Variants in EXPH5 observed in about 807,000 individuals in gnomAD.
EXPH5 encodes the protein exophilin 5.
EXPH5 carries 42 observed loss-of-function variants against 41.1 expected under a neutral mutation model. That is an observed-to-expected ratio of 1.02 (90% CI 0.80 to 1.32). The LOEUF (loss-of-function observed/expected upper bound fraction) is 1.32. Ranked by LOEUF, EXPH5 falls within the 40% of genes most tolerant of loss-of-function variation. The pLI is 0.00. For synonymous variants in EXPH5, 798 were observed against 833.5 expected, an observed-to-expected ratio of 0.96 and a Z score of 0.73; for missense variants, 2,298 against 2,314.5, an observed-to-expected ratio of 0.99 and a Z score of 0.15.
upstream of EXPH5, among the ~76,000 whole-genome samples, chr11:108,595,400 TA>T (rs986543915): frequency 5.9e-5 from 9 of 151,980 alleles, no homozygotes; most frequent in Non-Finnish European, 1.2e-4. Flanking sequence ...GAGGAAGAAA[TA>T]GGGGGTGGTG....
upstream of EXPH5, among the ~76,000 whole-genome samples, chr11:108,596,437 G>A (rs1036585105): frequency 2.0e-5 from 3 of 152,192 alleles, no homozygotes; most frequent in Non-Finnish European, 4.4e-5. Context: ...GATGATGCAA[G>A]ATCTCAAGAG....
intron 1 of EXPH5, among the ~76,000 whole-genome samples, chr11:108,579,244 TG>T (rs777781183): frequency 2.0e-4 from 30 of 151,966 alleles, no homozygotes; most frequent in Non-Finnish European, 4.3e-4. Flanking sequence ...TTTTAATGAA[TG>T]CTTTTTTGAC....
At chr11:108,592,187 G>A (rs1190555075) in intron 1 of EXPH5, among the ~76,000 whole-genome samples, 1 of 152,110 alleles carries the variant, frequency 6.6e-6, no homozygotes, top group Non-Finnish European at 1.5e-5. Flanking sequence ...GAATGATAAA[G>A]CCACTTTTTC....
intron 3 of EXPH5, chr11:108,538,035 T>C: frequency 8.1e-6 from 8 of 985,436 alleles, no homozygotes; most frequent in Non-Finnish European, 9.6e-6. Flanking sequence ...TGGTCTGCTC[T>C]TTCTTTCATC....
At chr11:108,528,543 C>T (rs2093814978) in intron 3 of EXPH5, among the ~76,000 whole-genome samples, 1 of 152,142 alleles carries the variant, frequency 6.6e-6, no homozygotes, top group South Asian at 2.1e-4. Flanking sequence ...AGATACATCA[C>T]TCTCCTGAGA....
intron 4 of EXPH5, among the ~76,000 whole-genome samples, chr11:108,519,977 A>T (rs1331271532): frequency 7.9e-5 from 11 of 139,190 alleles, no homozygotes; most frequent in East Asian, 6.1e-4. Flanking sequence ...AAAAAAAAAA[A>T]TTGCGAACCT....
intron 1 of EXPH5, among the ~76,000 whole-genome samples, chr11:108,556,918 T>G (rs965372063): frequency 5.9e-5 from 9 of 152,210 alleles, no homozygotes; most frequent in Non-Finnish European, 8.8e-5. Context: ...TGTCTGACCT[T>G]CTGCCTTTTC....
At chr11:108,549,317 C>T (rs187916317) in intron 1 of EXPH5, among the ~76,000 whole-genome samples, 239 of 152,316 alleles carry the variant, frequency 1.6e-3, no homozygotes, top group Non-Finnish European at 3.0e-3. Flanking sequence ...CACATGAATC[C>T]GTCTGTGAAA....
At chr11:108,515,568 T>A (rs1204352747) in intron 5 of EXPH5, among the ~76,000 whole-genome samples, 2 of 147,902 alleles carry the variant, frequency 1.4e-5, no homozygotes, top group Non-Finnish European at 3.0e-5. Context: ...TCAGGCAGAG[T>A]CCTAAACGCT....
In EXPH5 at chr11:108,510,512, A is replaced by G. The variant is rs2093671665; in HGVS notation, c.4995T>C (p.His1665=). 6.2e-7 allele frequency: 1 copy of G among 1,614,076 alleles called. No homozygotes were observed. The highest frequency in any genetic ancestry group is 1.7e-5 in the Admixed American group (1 of 60,006). The part of the protein sequence containing the change: ...GESRLSENGK[H]VKKSENLLPI... ...GGAGAAGGTTCTCGGATTTCTTCACATGCTTTCCGTTCTCACTCAACCTGC... is the reference window on the plus strand; with the variant it reads ...GGAGAAGGTTCTCGGATTTCTTCACGTGCTTTCCGTTCTCACTCAACCTGC... Residue 1665 remains histidine, a synonymous_variant, in exon 6 of 6, where the codon CAT becomes CAC. Coordinates refer to ENST00000265843, the MANE Select transcript of EXPH5 (RefSeq NM_015065.3).
At position 108,514,358 on chromosome 11, in the gene EXPH5, C is replaced by T; in HGVS notation, c.1149G>A (p.Glu383=). ...GTGCCCTCAGGAACTCTTCCTGGTT[C>T]TCCCTGTCTCTAGAGGAATCTGATC... ...WNRSDSSRDR[E]NQEEFLRAPS... is the part of the protein sequence containing the mutation. The change falls in exon 6 of 6, where the codon GAG becomes GAA. Residue 383 remains glutamate (E), a synonymous_variant. Transcript: ENST00000265843. 1 of 1,613,652 alleles carries T rather than the reference C, an allele frequency of 6.2e-7. No individual in the cohort carries two copies. Among genetic ancestry groups the T allele is most frequent in the Non-Finnish European group, 8.5e-7 (1 of 1,179,786 alleles).
chr11:108,534,905 G>A (rs551437985), intron 3 of EXPH5, among the ~76,000 whole-genome samples: 23 of 152,206 alleles, frequency 1.5e-4, no homozygotes, highest in Admixed American at 6.5e-4. Flanking sequence ...GTTCTGTGGC[G>A]TGCTGCCTGC....
At position 108,514,331 on chromosome 11, in the gene EXPH5, T is replaced by A; in HGVS notation, c.1176A>T (p.Pro392=). 1 of 1,613,456 alleles carries A rather than the reference T, an allele frequency of 6.2e-7. No individual in the cohort carries two copies. ...RENQEEFLRA[P]SPMEIDPADK... ...CAGCGGGATCAATTTCCATTGGTGA[T>A]GGTGCCCTCAGGAACTCTTCCTGGT... Residue 392 remains proline, a synonymous_variant, in exon 6 of 6, where the codon CCA becomes CCT. Transcript: ENST00000265843.
chr11:108,575,017 G>A (rs1364559239), intron 1 of EXPH5, among the ~76,000 whole-genome samples: 3 of 152,096 alleles, frequency 2.0e-5, no homozygotes, highest in Non-Finnish European at 4.4e-5. Context: ...ATGTACCCCC[G>A]ATTTGTTAAA....
At chr11:108,547,103 G>A (rs142317367) in intron 1 of EXPH5, among the ~76,000 whole-genome samples, 3 of 152,220 alleles carry the variant, frequency 2.0e-5, no homozygotes, top group African/African-American at 7.2e-5. Context: ...GCCTGGCCAT[G>A]CATTTTCTAT....
At chr11:108,557,506 T>C (rs1565820853) in intron 1 of EXPH5, among the ~76,000 whole-genome samples, 1 of 152,124 alleles carries the variant, frequency 6.6e-6, no homozygotes, top group Non-Finnish European at 1.5e-5. Context: ...CCACCACATC[T>C]GGCTAATTAT....
chr11:108,514,000 A>T lies in EXPH5; in HGVS notation c.1507T>A (p.Ser503Thr). The change falls in exon 6 of 6, where the codon TCT becomes ACT. Residue 503 changes from serine to threonine, a missense_variant. Coordinates refer to ENST00000265843, the MANE Select transcript of EXPH5 (RefSeq NM_015065.3). ...GAAATCATTTCAAAGTCTCTGTCAG[A>T]AGAACTGAATGATTTCCTGCTTCGA... Reference protein sequence around the residue: ...FHRSRKSFSSSDRDFEMISME... With the variant: ...FHRSRKSFSSTDRDFEMISME... 1 of 1,613,412 alleles carries T rather than the reference A, an allele frequency of 6.2e-7. No individual in the cohort carries two copies. Among genetic ancestry groups the T allele is most frequent in the Non-Finnish European group, 8.5e-7 (1 of 1,179,748 alleles).
intron 1 of EXPH5, among the ~76,000 whole-genome samples, chr11:108,558,070 G>A (rs554102218): frequency 6.6e-6 from 1 of 152,218 alleles, no homozygotes; most frequent in African/African-American, 2.4e-5. Flanking sequence ...GGCCTCCTGA[G>A]TAGCTGGGAA....
intron 1 of EXPH5, among the ~76,000 whole-genome samples, chr11:108,551,049 G>A (rs2093962216): frequency 6.6e-6 from 1 of 152,152 alleles, no homozygotes; most frequent in Non-Finnish European, 1.5e-5. Flanking sequence ...CCGATGATAT[G>A]AACTGAGCTC....
Sources: allele counts gnomAD v4.1 joint callset (sites outside exome capture counted in the v4.1 genomes callset), GRCh38; gene constraint gnomAD v4.1.1; transcripts MANE v1.5; gene names NCBI Gene and HGNC (gene_info 2026-07-23, HGNC 2026-07-21).